Variants in RASGEF1A observed in about 807,000 individuals in gnomAD.
RASGEF1A encodes the protein RasGEF domain family member 1A, also known as ras-GEF domain-containing family member 1A.
A neutral mutation model predicts 56.4 loss-of-function variants in RASGEF1A; 18 were observed. That is an observed-to-expected ratio of 0.32 (90% confidence interval 0.22 to 0.47). The LOEUF (loss-of-function observed/expected upper bound fraction) is 0.47, where lower values mean the gene tolerates loss of function less well. RASGEF1A is among the 20% of genes least tolerant of loss of function. RASGEF1A has a pLI of 1.00. For synonymous variants in RASGEF1A, 245 were observed against 242.6 expected, an observed-to-expected ratio of 1.01 and a Z score of -0.09; for missense variants, 422 against 627.1, an observed-to-expected ratio of 0.67 and a Z score of 3.49.
At chr10:43,216,322 G>C (rs1382029745) in intron 1 of RASGEF1A, among the ~76,000 whole-genome samples, 2 of 152,206 alleles carry the variant, frequency 1.3e-5, no homozygotes, top group East Asian at 3.9e-4. Flanking sequence ...CCTCCCACCA[G>C]GACATCGGGA....
intron 10 of RASGEF1A, 58 bp downstream of exon 10, chr10:43,197,946 C>A (rs764945216): frequency 4.5e-5 from 66 of 1,457,154 alleles, no homozygotes; most frequent in Non-Finnish European, 6.2e-5. Context: ...TAATGCCTGG[C>A]GGCTCCAGTA....
At chr10:43,258,372 T>G (rs1173206409) in intron 1 of RASGEF1A, among the ~76,000 whole-genome samples, 1 of 152,110 alleles carries the variant, frequency 6.6e-6, no homozygotes, top group Admixed American at 6.5e-5. Flanking sequence ...CCCCTCCTAA[T>G]ATGGCAGCAG....
intron 1 of RASGEF1A, among the ~76,000 whole-genome samples, chr10:43,266,540 C>T (rs1836627389): frequency 6.6e-6 from 1 of 151,084 alleles, no homozygotes; most frequent in Admixed American, 6.6e-5. Context: ...GCGCTCCTGC[C>T]ACGCCCGGCC....
chr10:43,203,471 G>A lies in RASGEF1A; in HGVS notation c.199-51C>T, dbSNP rs375170375. On this transcript the variant is annotated intron_variant, in intron 2 of 12. Transcript: ENST00000395810. ...CGGAGGGAGGGTGAGGCAGGCCCCC[G>A]GGGGCTCACCGCGCTGCTTCACCTG... 285 of 1,468,692 alleles carry A rather than the reference G, an allele frequency of 1.9e-4. No homozygotes were observed. In the African/African-American group the frequency reaches 3.8e-3, roughly 20 times the overall value. 91.0% of individuals were successfully genotyped at this position (1,468,692 alleles called of 1,614,324 possible).
At chr10:43,232,010 T>A (rs1404701537) in intron 1 of RASGEF1A, among the ~76,000 whole-genome samples, 1 of 152,254 alleles carries the variant, frequency 6.6e-6, no homozygotes, top group Non-Finnish European at 1.5e-5. Context: ...CAAGGCTGCC[T>A]CTGACCAGAG....
Position 43,200,759 on chromosome 10 carries a change from G to A in RASGEF1A, c.589C>T (p.Leu197Phe). Residue 197 changes from leucine (L) to phenylalanine (F), a missense_variant, in exon 5 of 13, where the codon CTC becomes TTC. By Grantham distance (22) the Leu-to-Phe change is conservative. Transcript: ENST00000395810. ...TGGGCGGCTGGTGGCTTGGTCTTGA[G>A]GATGGGCCCCTTGTCTACAGCCGGT... ...RPPAVDKGPI[L>F]KTKPPAAQKD... is the part of the protein sequence containing the mutation. 6.2e-7 allele frequency: 1 copy of A among 1,613,992 alleles called. No homozygotes were observed. Among genetic ancestry groups the A allele is most frequent in the Non-Finnish European group, 8.5e-7 (1 of 1,180,036 alleles).
intron 1 of RASGEF1A, among the ~76,000 whole-genome samples, chr10:43,223,282 A>G (rs987219154): frequency 3.9e-5 from 6 of 152,232 alleles, no homozygotes; most frequent in African/African-American, 1.4e-4. Context: ...AAAGTCCCCA[A>G]ATAGAAGTGT....
intron 2 of RASGEF1A, among the ~76,000 whole-genome samples, chr10:43,204,179 A>G (rs1405363859): frequency 1.3e-5 from 2 of 151,918 alleles, no homozygotes; most frequent in African/African-American, 4.8e-5. Flanking sequence ...GGTTGAGGAG[A>G]CTGCCTAGGG....
At chr10:43,225,981 G>A (rs1023623578) in intron 1 of RASGEF1A, among the ~76,000 whole-genome samples, 1 of 152,170 alleles carries the variant, frequency 6.6e-6, no homozygotes, top group Non-Finnish European at 1.5e-5. Context: ...GAAATGCCAG[G>A]GGCTGGGTCC....
intron 1 of RASGEF1A, among the ~76,000 whole-genome samples, chr10:43,259,116 C>T (rs1412101863): frequency 6.6e-6 from 1 of 152,222 alleles, no homozygotes; most frequent in African/African-American, 2.4e-5. Flanking sequence ...AACACTTGGT[C>T]CCAGGGCTGG....
At chr10:43,236,164 G>C in intron 1 of RASGEF1A, among the ~76,000 whole-genome samples, 1 of 152,280 alleles carries the variant, frequency 6.6e-6, no homozygotes, top group South Asian at 2.1e-4. Context: ...TAATGTTAAA[G>C]GTAATATAGA....
At chr10:43,252,344 C>T (rs1483684068) in intron 1 of RASGEF1A, among the ~76,000 whole-genome samples, 1 of 152,210 alleles carries the variant, frequency 6.6e-6, no homozygotes. Context: ...TCTCCACAGC[C>T]AGGACTAGGT....
In RASGEF1A at chr10:43,195,512, A is replaced by G. The variant is rs937644309; in HGVS notation, c.*732T>C. ...TGACAACTCCATGCTTCCCTCCCTT[A>G]CCTTATTTTAGATTTCCTCCTTTCT... On this transcript the variant is annotated 3_prime_UTR_variant, in exon 13 of 13. Transcript: ENST00000395810. The surrounding 1 kb of genome is among the most constrained non-coding windows in gnomAD (Gnocchi z 4.2). 5 of 152,242 alleles carry G rather than the reference A, an allele frequency of 3.3e-5. No homozygotes were observed. The highest frequency in any genetic ancestry group is 1.2e-4 in the African/African-American group (5 of 41,374). The allele number at this position is 152,242 out of a possible 1,614,324, so 9.4% of individuals were successfully genotyped here.
intron 1 of RASGEF1A, among the ~76,000 whole-genome samples, chr10:43,249,918 GTTTAAAAGCAAGA>G (rs1564542920): frequency 1.3e-5 from 2 of 152,350 alleles, no homozygotes; most frequent in African/African-American, 2.4e-5. Context: ...TTTCACGTGT[GTTTAAAAGCAAGA>G]TTTAAAAGCA....
chr10:43,253,121 C>T (rs61229986), intron 1 of RASGEF1A, among the ~76,000 whole-genome samples: 12,561 of 152,156 alleles, frequency 0.083, 1,150 homozygotes, highest in African/African-American at 0.23. Context: ...CACACACTTC[C>T]ACGCCCACCG....
In RASGEF1A at chr10:43,208,778, C is replaced by T. The variant is rs1015696815; in HGVS notation, c.-6-2656G>A. The T allele has an allele frequency of 1.8e-5, 18 of 985,416 alleles. No homozygotes were observed. The South Asian group carries it at 8.0e-4, about 44-fold the overall frequency. The allele number at this position is 985,416 out of a possible 1,614,324, so 61.0% of individuals were successfully genotyped here. A position where few individuals can be genotyped will look rare whatever the true frequency, so the allele number is the denominator to read the frequency against. ...CCCGAAAGCTCAAACCTAGCAGGGC[C>T]CACCCTGCCCAGCCACGGAGCACTT... On this transcript the variant is annotated intron_variant, in intron 1 of 12. Transcript: ENST00000395810.
Position 43,200,053 on chromosome 10 carries a change from C to G in RASGEF1A, c.756+129G>C, listed in dbSNP as rs779222849. On this transcript the variant is annotated intron_variant, in intron 6 of 12. Coordinates refer to ENST00000395810, the MANE Select transcript of RASGEF1A (RefSeq NM_145313.4). The stretch of plus-strand genomic sequence containing the variant: ...CTAGGAGGTCCAGTGCCACATCCAT[C>G]GGGGCTCATGGCCCAGCACTCCGGA... The G allele has an allele frequency of 1.6e-4, 121 of 745,524 alleles. 1 individual carries two copies. The highest frequency in any genetic ancestry group is 2.5e-4 in the Non-Finnish European group (110 of 442,632). The allele number at this position is 745,524 out of a possible 1,614,324, so 46.2% of individuals were successfully genotyped here.
chr10:43,227,651 G>A (rs1840298356), intron 1 of RASGEF1A, among the ~76,000 whole-genome samples: 1 of 152,080 alleles, frequency 6.6e-6, no homozygotes, highest in Non-Finnish European at 1.5e-5. Flanking sequence ...GAGCCTGCAG[G>A]GTGGAGCAAG....
In RASGEF1A at chr10:43,206,142, A is replaced by G. The variant is rs568004303; in HGVS notation, c.-6-20T>C. ...AGTTTCCTGGGAGAAAAGAGCAAGG[A>G]CATGAGGCATCAAAGGCGCCTCCAC... On this transcript the variant is annotated intron_variant, in intron 1 of 12. Coordinates refer to ENST00000395810, the MANE Select transcript of RASGEF1A (RefSeq NM_145313.4). 8.4e-6 allele frequency: 13 copies of G among 1,551,250 alleles called. No individual in the cohort carries two copies. The African/African-American group carries it at 1.8e-4, about 21-fold the overall frequency.
Sources: gnomAD v4.1 joint callset for allele counts (sites outside exome capture counted in the v4.1 genomes callset) on GRCh38, gnomAD v4.1.1 for gene constraint, Gnocchi (gnomAD v3.1) non-coding constraint, MANE v1.5 for transcripts, NCBI Gene and HGNC (gene_info 2026-07-23, HGNC 2026-07-21) for gene names.